The following MAGI3 variants were observed in gnomAD, a reference collection of about 807,000 sequenced individuals.
MAGI3 encodes the protein membrane-associated guanylate kinase, WW and PDZ domain-containing protein 3.
In MAGI3, 43 loss-of-function variants were observed where a neutral mutation model predicts 121.8. The ratio of observed to expected loss-of-function variants is 0.35; its 90% CI spans 0.28 to 0.46. MAGI3 has a LOEUF of 0.46. MAGI3 is among the 20% of genes least tolerant of loss of function. The probability of loss-of-function intolerance (pLI) is 1.00; values close to 1 mark genes in which losing one functional copy is unlikely to be tolerated. For missense variants in MAGI3, 1,547 were observed against 1,797.3 expected (o/e 0.86, Z 2.52); for synonymous variants, 553 against 639.3 (o/e 0.86, Z 2.04).
chr1:113,397,492 G>GAAAGGT (rs1651178752), intron 1 of MAGI3, among the ~76,000 whole-genome samples: 1 of 152,016 alleles, frequency 6.6e-6, no homozygotes, highest in African/African-American at 2.4e-5. Flanking sequence ...GGGCAAAAAC[G>GAAAGGT]TTCCATACAG....
intron 20 of MAGI3, among the ~76,000 whole-genome samples, chr1:113,681,575 AGTT>A (rs1304053580): frequency 6.6e-6 from 1 of 152,252 alleles, no homozygotes; most frequent in Non-Finnish European, 1.5e-5. Context: ...AAAAACATAT[AGTT>A]GTTTTTGTAG....
At position 113,646,485 on chromosome 1, in the gene MAGI3, GA is replaced by G; in HGVS notation, c.2002del (p.Thr668GlnfsTer13). On this transcript the variant is annotated frameshift_variant and splice_region_variant, in exon 12 of 21. Coordinates refer to ENST00000307546, the MANE Select transcript of MAGI3 (RefSeq NM_001142782.2). LOFTEE classifies it high-confidence loss of function. ...CTAAGTAAGGCTCTTTTCCATTTCA[GA>G]AAACAGATAAAAAGGAAAATGCAGG... ...PPSPTKTAKM[K>X]TDKKENAGSL... is the part of the protein sequence containing the mutation. The G allele has an allele frequency of 6.3e-7, 1 of 1,587,236 alleles. No homozygotes were observed. Among genetic ancestry groups the G allele is most frequent in the Non-Finnish European group, 8.5e-7 (1 of 1,170,976 alleles).
Position 113,512,291 on chromosome 1 carries a change from T to G in MAGI3, c.317-37224T>G, listed in dbSNP as rs142788780. 1.8e-4 allele frequency among the ~76,000 whole-genome samples: 27 copies of G among 152,308 alleles called. 1 individual carries two copies. The East Asian group carries it at 5.2e-3, about 29-fold the overall frequency. ...AATCTTCTATTATAATGTTTAGACC[T>G]CTCTTAGCTTGGCTTTAATTGTAAA... is the stretch of plus-strand genomic sequence containing the variant. On this transcript the variant is annotated intron_variant, in intron 1 of 20. Coordinates refer to ENST00000307546, the MANE Select transcript of MAGI3 (RefSeq NM_001142782.2).
At chr1:113,602,143 A>C (rs1351967695) in intron 6 of MAGI3, among the ~76,000 whole-genome samples, 2 of 152,148 alleles carry the variant, frequency 1.3e-5, no homozygotes, top group Non-Finnish European at 1.5e-5. Flanking sequence ...TAATGGGTGC[A>C]GCACACCAGC....
chr1:113,657,746 C>T lies in MAGI3; in HGVS notation c.2630-1334C>T, dbSNP rs1653559176. ...CTCATAATGCCTGATATGACATGGC[C>T]CTTTCTGCACTGGCATTTCTCTAAT... On this transcript the variant is annotated intron_variant, in intron 15 of 20. Coordinates refer to ENST00000307546, the MANE Select transcript of MAGI3 (RefSeq NM_001142782.2). Among the ~76,000 whole-genome samples, 3 of 152,168 alleles carry T rather than the reference C, an allele frequency of 2.0e-5. No homozygotes were observed. The South Asian group carries it at 6.2e-4, about 31-fold the overall frequency.
intron 9 of MAGI3, among the ~76,000 whole-genome samples, chr1:113,630,244 G>A (rs956152472): frequency 1.3e-5 from 2 of 152,144 alleles, no homozygotes; most frequent in African/African-American, 4.8e-5. Context: ...TGGCCCATGT[G>A]GGTGTGTGGG....
intron 1 of MAGI3, among the ~76,000 whole-genome samples, chr1:113,483,396 A>G (rs1287752237): frequency 5.9e-5 from 9 of 152,100 alleles, no homozygotes; most frequent in Admixed American, 4.6e-4. Flanking sequence ...AGCCCTCATG[A>G]TGGGCTTAGT....
chr1:113,537,698 C>T (rs994913237), intron 1 of MAGI3, among the ~76,000 whole-genome samples: 6 of 152,080 alleles, frequency 3.9e-5, no homozygotes, highest in East Asian at 1.9e-4. Flanking sequence ...GAGTTGATAA[C>T]GTTTTTAAGA....
chr1:113,515,551 C>A (rs760314001), intron 1 of MAGI3, among the ~76,000 whole-genome samples: 11 of 152,018 alleles, frequency 7.2e-5, no homozygotes, highest in Non-Finnish European at 1.3e-4. Flanking sequence ...TCATTTAATC[C>A]TTAACACAAC....
intron 1 of MAGI3, among the ~76,000 whole-genome samples, chr1:113,536,157 T>A (rs376671198): frequency 1.3e-5 from 1 of 79,366 alleles, no homozygotes; most frequent in African/African-American, 3.4e-5. Flanking sequence ...TTTTTTTTTT[T>A]TTAAAAAAAT....
intron 1 of MAGI3, among the ~76,000 whole-genome samples, chr1:113,416,299 T>TAATTATGTAATC (rs1652375402): frequency 2.0e-5 from 2 of 100,192 alleles, no homozygotes; most frequent in Non-Finnish European, 4.3e-5. Flanking sequence ...ATTATGTAAT[T>TAATTATGTAATC]AATTATGTAA....
At chr1:113,404,511 TC>T (rs1651572372) in intron 1 of MAGI3, 1 of 152,216 alleles carries the variant, frequency 6.6e-6, no homozygotes, top group African/African-American at 2.4e-5. Context: ...CTTTTGAATT[TC>T]TTTATATCTA....
chr1:113,416,396 TATTAATTA>T (rs1160281657), intron 1 of MAGI3, among the ~76,000 whole-genome samples: 831 of 59,524 alleles, frequency 0.014, 7 homozygotes, highest in Middle Eastern at 0.028. Context: ...ATATATTAAT[TATTAATTA>T]ATTAATAATT....
At chr1:113,532,644 G>A (rs1300020799) in intron 1 of MAGI3, among the ~76,000 whole-genome samples, 1 of 151,944 alleles carries the variant, frequency 6.6e-6, no homozygotes, top group Non-Finnish European at 1.5e-5. Context: ...TTTTAAATAC[G>A]ATAGTATTCT....
At chr1:113,479,186 C>T (rs1236005664) in intron 1 of MAGI3, among the ~76,000 whole-genome samples, 1 of 152,226 alleles carries the variant, frequency 6.6e-6, no homozygotes, top group Admixed American at 6.5e-5. Context: ...GGGAAATCCC[C>T]TGATCCCTTG....
At chr1:113,414,136 CAT>C (rs1211151957) in intron 1 of MAGI3, among the ~76,000 whole-genome samples, 1 of 152,086 alleles carries the variant, frequency 6.6e-6, no homozygotes, top group African/African-American at 2.4e-5. Flanking sequence ...TTGAGATAAT[CAT>C]GTGGTTTTTG....
At chr1:113,520,625 G>T (rs1349308893) in intron 1 of MAGI3, among the ~76,000 whole-genome samples, 3 of 151,498 alleles carry the variant, frequency 2.0e-5, no homozygotes, top group Non-Finnish European at 4.4e-5. Context: ...TTTTTTATGA[G>T]ATGGAGTCTC....
intron 6 of MAGI3, among the ~76,000 whole-genome samples, chr1:113,609,766 C>T (rs1012402591): frequency 6.6e-5 from 10 of 152,048 alleles, no homozygotes; most frequent in African/African-American, 2.2e-4. Flanking sequence ...GATTTAGAAC[C>T]AACCAGCTGC....
chr1:113,464,720 GTTT>G (rs1655190801), intron 1 of MAGI3, among the ~76,000 whole-genome samples: 1 of 151,992 alleles, frequency 6.6e-6, no homozygotes, highest in African/African-American at 2.4e-5. Flanking sequence ...TCTCATTGTG[GTTT>G]TTATTTGCAT....
Sources: gnomAD v4.1 joint callset for allele counts (sites outside exome capture counted in the v4.1 genomes callset) on GRCh38, gnomAD v4.1.1 for gene constraint, MANE v1.5 for transcripts, NCBI Gene and HGNC (gene_info 2026-07-23, HGNC 2026-07-21) for gene names.